TMEM41B: variants seen among roughly 807,000 people sequenced by gnomAD.
TMEM41B encodes the protein protein stasimon.
Under a neutral mutation model 31.9 loss-of-function variants are expected in TMEM41B, and 18 were observed. The observed-to-expected ratio is 0.56, with a 90% CI of 0.39 to 0.84. The LOEUF (loss-of-function observed/expected upper bound fraction) is 0.84, where lower values mean the gene tolerates loss of function less well. Ranked by LOEUF, TMEM41B falls within the 40% of genes least tolerant of loss-of-function variation. The pLI is 0.00. For synonymous variants in TMEM41B, 144 were observed against 124.3 expected (o/e 1.16, Z -1.05); for missense variants, 322 against 348.0 (o/e 0.93, Z 0.59).
intron 1 of TMEM41B, among the ~76,000 whole-genome samples, chr11:9,310,750 G>T (rs1853540864): frequency 6.7e-6 from 1 of 149,830 alleles, no homozygotes; most frequent in Non-Finnish European, 1.5e-5. Flanking sequence ...AGCATACTGG[G>T]CTAAGGAGGA....
intron 1 of TMEM41B, among the ~76,000 whole-genome samples, chr11:9,305,082 G>A (rs1379247313): frequency 6.6e-6 from 1 of 152,140 alleles, no homozygotes; most frequent in African/African-American, 2.4e-5. Flanking sequence ...ATGAGCCATA[G>A]AACCGGGCTA....
chr11:9,299,636 A>G lies in TMEM41B; in HGVS notation c.187T>C (p.Ser63Pro), dbSNP rs764735629. The G allele has an allele frequency of 2.5e-6, 4 of 1,613,662 alleles. No homozygotes were observed. The highest frequency in any genetic ancestry group is 3.3e-5 in the Admixed American group (2 of 59,874). ...ACCAAAAACATAACAAAAGCTGCAG[A>G]TAAGAAAATGGACACCAATATAAGG... ...SLLILVSIFL[S>P]AAFVMFLVYK... is the part of the protein sequence containing the mutation. Residue 63 changes from serine to proline, a missense_variant, in exon 2 of 7, where the codon TCT becomes CCT. Coordinates refer to ENST00000528080, the MANE Select transcript of TMEM41B (RefSeq NM_015012.4).
At chr11:9,308,068 G>A (rs758945450) in intron 1 of TMEM41B, among the ~76,000 whole-genome samples, 2 of 152,044 alleles carry the variant, frequency 1.3e-5, no homozygotes, top group East Asian at 1.9e-4. Context: ...CAACAGAGGC[G>A]AGACACAGTG....
chr11:9,287,384 G>A (rs369514350), intron 5 of TMEM41B, among the ~76,000 whole-genome samples: 3 of 152,134 alleles, frequency 2.0e-5, no homozygotes, highest in Admixed American at 6.6e-5. Flanking sequence ...ACACAATACT[G>A]CATTAACATA....
At chr11:9,297,157 C>T (rs776749602) in intron 2 of TMEM41B, among the ~76,000 whole-genome samples, 2 of 152,032 alleles carry the variant, frequency 1.3e-5, no homozygotes, top group Non-Finnish European at 1.5e-5. Flanking sequence ...TGATCTCGGC[C>T]CACTGCAAGC....
At chr11:9,295,667 T>A (rs1262949815) in intron 2 of TMEM41B, among the ~76,000 whole-genome samples, 1 of 152,012 alleles carries the variant, frequency 6.6e-6, no homozygotes, top group Non-Finnish European at 1.5e-5. Flanking sequence ...TCTGAGAAGC[T>A]GGGATCACAG....
rs866381220 is a variant in TMEM41B at position 9,291,378 on chromosome 11, A to G, written c.369-2843T>C. Among the ~76,000 whole-genome samples, 31 of 148,836 alleles carry G rather than the reference A, an allele frequency of 2.1e-4. No individual in the cohort carries two copies. In the Middle Eastern group the frequency reaches 0.01, roughly 50 times the overall value. ...GCCTGGGAAACAGAGTGAGACTCCC[A>G]TCTCAAAAAAATTATAATAATAATA... is the stretch of plus-strand genomic sequence containing the variant. On this transcript the variant is annotated intron_variant, in intron 3 of 6. Transcript: ENST00000528080.
At chr11:9,294,867 C>A (rs919089671) in intron 3 of TMEM41B, among the ~76,000 whole-genome samples, 13 of 151,922 alleles carry the variant, frequency 8.6e-5, no homozygotes, top group African/African-American at 2.7e-4. Flanking sequence ...ACAAATTATA[C>A]CTCCAAACCT....
At chr11:9,300,574 A>G (rs1293161571) in intron 1 of TMEM41B, among the ~76,000 whole-genome samples, 2 of 152,124 alleles carry the variant, frequency 1.3e-5, no homozygotes, top group African/African-American at 4.8e-5. Context: ...TCTCAGTATT[A>G]GCTTAAAAAA....
At chr11:9,302,277 G>A in intron 1 of TMEM41B, among the ~76,000 whole-genome samples, 1 of 99,534 alleles carries the variant, frequency 1.0e-5, no homozygotes, top group Admixed American at 9.6e-5. Flanking sequence ...CAAAGTGCTG[G>A]GATTACAGGC....
intron 3 of TMEM41B, among the ~76,000 whole-genome samples, chr11:9,293,687 T>C (rs1036410985): frequency 6.6e-5 from 10 of 152,160 alleles, no homozygotes; most frequent in Admixed American, 3.3e-4. Flanking sequence ...GTTCAGGTGA[T>C]CCTCCTGCCT....
At position 9,280,808 on chromosome 11, in the gene TMEM41B, A is replaced by G. The variant is rs578145238; in HGVS notation, c.*2616T>C. The stretch of plus-strand genomic sequence containing the variant: ...TTTCTTAGCTTGTCAACTCCTAGTT[A>G]GCCTGCTTGCCTCCGCACCACAGAT... On this transcript the variant is annotated 3_prime_UTR_variant, in exon 7 of 7. Transcript: ENST00000528080. 1.3e-4 allele frequency: 20 copies of G among 152,360 alleles called. No individual in the cohort carries two copies. The highest frequency in any genetic ancestry group is 4.8e-4 in the African/African-American group (20 of 41,588). The allele number at this position is 152,360 out of a possible 1,614,324, so 9.4% of individuals were successfully genotyped here. A position where few individuals can be genotyped will look rare whatever the true frequency, so the allele number is the denominator to read the frequency against.
At chr11:9,305,347 G>A (rs561767360) in intron 1 of TMEM41B, among the ~76,000 whole-genome samples, 1 of 151,992 alleles carries the variant, frequency 6.6e-6, no homozygotes, top group Admixed American at 6.6e-5. Context: ...TCCTGTAATC[G>A]CAGCACTTTG....
intron 1 of TMEM41B, among the ~76,000 whole-genome samples, chr11:9,312,193 G>A (rs1853575974): frequency 6.6e-6 from 1 of 152,114 alleles, no homozygotes; most frequent in African/African-American, 2.4e-5. Context: ...TCCTAGCCTG[G>A]AATACCCTTC....
Position 9,287,686 on chromosome 11 carries a change from A to T in TMEM41B, c.567+16T>A. The stretch of plus-strand genomic sequence containing the variant: ...AACAAAGAGTTACATCAAATAATTT[A>T]AAAATACATGTTTACCTGCTGTGAC... On this transcript the variant is annotated intron_variant, in intron 5 of 6. Transcript: ENST00000528080. 6.4e-7 allele frequency: 1 copy of T among 1,566,786 alleles called. No homozygotes were observed. The highest frequency in any genetic ancestry group is 8.7e-7 in the Non-Finnish European group (1 of 1,145,784).
At chr11:9,298,380 A>G (rs1853151611) in intron 2 of TMEM41B, among the ~76,000 whole-genome samples, 1 of 149,532 alleles carries the variant, frequency 6.7e-6, no homozygotes, top group Non-Finnish European at 1.5e-5. Context: ...AATCGCTTGA[A>G]CCCAGGAGGT....
chr11:9,303,827 T>A (rs10743103), intron 1 of TMEM41B, among the ~76,000 whole-genome samples: 1 of 151,732 alleles, frequency 6.6e-6, no homozygotes, highest in Admixed American at 6.6e-5. Flanking sequence ...GCCACGAGGA[T>A]CAACTAATTT....
rs752955280 is a variant in TMEM41B at position 9,314,475 on chromosome 11, C to T, written c.-34G>A. On this transcript the variant is annotated 5_prime_UTR_variant, in exon 1 of 7. Coordinates refer to ENST00000528080, the MANE Select transcript of TMEM41B (RefSeq NM_015012.4). Reference sequence around the variant, plus strand: ...CAAGGTGAAGGGAGCGGTGCGGTGCCGCGCCCCCTAAACAACAAAACTCTG... The same window carrying T: ...CAAGGTGAAGGGAGCGGTGCGGTGCTGCGCCCCCTAAACAACAAAACTCTG... 6.5e-7 allele frequency: 1 copy of T among 1,535,618 alleles called. No homozygotes were observed. The highest frequency in any genetic ancestry group is 1.2e-5 in the South Asian group (1 of 83,030).
intron 1 of TMEM41B, among the ~76,000 whole-genome samples, chr11:9,305,893 A>G (rs184527660): frequency 1.6e-3 from 236 of 151,808 alleles, no homozygotes; most frequent in Middle Eastern, 0.014. Flanking sequence ...ATCTAAATTT[A>G]TAGTATACAC....
Sources: gnomAD v4.1 joint callset for allele counts (sites outside exome capture counted in the v4.1 genomes callset) on GRCh38, gnomAD v4.1.1 for gene constraint, MANE v1.5 for transcripts, NCBI Gene and HGNC (gene_info 2026-07-23, HGNC 2026-07-21) for gene names.